Variants in TG observed in about 807,000 individuals in gnomAD.
The protein encoded by TG is thyroid hormones.
A neutral mutation model predicts 324.7 loss-of-function variants in TG; 270 were observed. The ratio of observed to expected loss-of-function variants is 0.83; its 90% CI spans 0.75 to 0.92. The LOEUF is 0.92. Among genes scored for constraint, TG ranks in the 40% least tolerant of loss-of-function variants. TG has a pLI of 0.00. For missense variants in TG, 3,591 were observed against 3,456.4 expected (o/e 1.04, Z -0.98); for synonymous variants, 1,401 against 1,327.0 (o/e 1.06, Z -1.21).
chr8:133,110,461 A>T (rs2131741066), intron 43 of TG, among the ~76,000 whole-genome samples: 1 of 152,344 alleles, frequency 6.6e-6, no homozygotes, highest in East Asian at 1.9e-4. Context: ...TATATGAAGG[A>T]ATTAGCATAG....
Position 132,935,810 on chromosome 8 carries a change from C to T in TG, c.4987C>T (p.Gln1663Ter). 6.2e-7 allele frequency: 1 copy of T among 1,612,862 alleles called. No homozygotes were observed. Among genetic ancestry groups the T allele is most frequent in the Non-Finnish European group, 8.5e-7 (1 of 1,180,022 alleles). ...KATSFGSLRCQVKVRSHGQDS... is the reference protein window; with the variant it reads ...KATSFGSLRC ...CACCAGCTTTGGAAGTCTTCGCTGCCAGGTGAAAGTGAGGAGCCATGGTCA... is the reference window on the plus strand; with the variant it reads ...CACCAGCTTTGGAAGTCTTCGCTGCTAGGTGAAAGTGAGGAGCCATGGTCA... Residue 1663 changes from glutamine (Q) to a stop codon, truncating the protein, a stop_gained, in exon 25 of 48, where the codon CAG becomes TAG. Coordinates refer to ENST00000220616, the MANE Select transcript of TG (RefSeq NM_003235.5). LOFTEE classifies it high-confidence loss of function.
chr8:132,875,959 A>G (rs113659829), intron 5 of TG, among the ~76,000 whole-genome samples: 1 of 152,236 alleles, frequency 6.6e-6, no homozygotes, highest in Admixed American at 6.5e-5. Flanking sequence ...TCAGGTTTCT[A>G]GGTAAAATAC....
At chr8:132,969,789 T>C (rs1829218204) in intron 32 of TG, among the ~76,000 whole-genome samples, 1 of 151,552 alleles carries the variant, frequency 6.6e-6, no homozygotes, top group Non-Finnish European at 1.5e-5. Flanking sequence ...CGGCACATGC[T>C]AGTAGTCCCA....
At chr8:133,091,830 G>A (rs1461205504) in intron 41 of TG, among the ~76,000 whole-genome samples, 5 of 151,958 alleles carry the variant, frequency 3.3e-5, no homozygotes, top group Non-Finnish European at 7.4e-5. Flanking sequence ...ATGCCTGTGA[G>A]TTTTATGTGA....
At position 132,887,071 on chromosome 8, in the gene TG, T is replaced by G. The variant is rs1412717707; in HGVS notation, c.1699T>G (p.Phe567Val). 1 of 1,614,210 alleles carries G rather than the reference T, an allele frequency of 6.2e-7. No individual in the cohort carries two copies. The highest frequency in any genetic ancestry group is 1.3e-5 in the African/African-American group (1 of 75,042). ...NLQENQNALK[F>V]LASLLELPEF... ...ACAAGAGAACCAAAATGCCCTCAAA[T>G]TCCTTGCTTCTCTCCTGGAGCTTCC... Residue 567 changes from phenylalanine (F) to valine (V), a missense_variant, in exon 9 of 48, where the codon TTC (phenylalanine) becomes GTC (valine). Transcript: ENST00000220616.
At position 132,963,083 on chromosome 8, in the gene TG, C is replaced by T. The variant is rs367995250; in HGVS notation, c.5548+9C>T. On this transcript the variant is annotated intron_variant, in intron 29 of 47. Transcript: ENST00000220616. ...ATCTCCAACAGAAGCAGGTACTGAC[C>T]CCCAAACCTTCTTACACACTTGGGT... 6 of 1,613,604 alleles carry T rather than the reference C, an allele frequency of 3.7e-6. No homozygotes were observed. The African/African-American group carries it at 4.0e-5, about 11-fold the overall frequency.
intron 43 of TG, among the ~76,000 whole-genome samples, chr8:133,107,731 G>A (rs536847375): frequency 1.8e-4 from 28 of 152,310 alleles, no homozygotes; most frequent in African/African-American, 6.5e-4. Flanking sequence ...CACCCAATTA[G>A]TGTGTCAGAT....
intron 41 of TG, among the ~76,000 whole-genome samples, chr8:133,092,458 G>T (rs1847716595): frequency 6.6e-6 from 1 of 152,216 alleles, no homozygotes; most frequent in Non-Finnish European, 1.5e-5. Context: ...TACAGGCATG[G>T]CTGGGTGGAC....
rs1835198334 is a variant in TG, at chr8:133,018,002, G to A, written c.6782+5G>A. 1.2e-6 allele frequency: 2 copies of A among 1,613,690 alleles called. No individual in the cohort carries two copies. The highest frequency in any genetic ancestry group is 3.3e-5 in the Admixed American group (2 of 59,976). On this transcript the variant is annotated splice_donor_5th_base_variant and intron_variant, in intron 38 of 47. Transcript: ENST00000220616. ...CTGGGATGCCAGCAAGCCAAGGTATGGGTTGAGTGGAGCACATCTTGGTAA... is the reference window on the plus strand; with the variant it reads ...CTGGGATGCCAGCAAGCCAAGGTATAGGTTGAGTGGAGCACATCTTGGTAA...
intron 23 of TG, among the ~76,000 whole-genome samples, chr8:132,930,077 A>G (rs2132534019): frequency 6.6e-6 from 1 of 152,290 alleles, no homozygotes; most frequent in East Asian, 1.9e-4. Flanking sequence ...CAGTACCCAC[A>G]TGTGATGTAG....
chr8:132,988,743 T>G, intron 35 of TG: 1 of 985,428 alleles, frequency 1.0e-6, no homozygotes, highest in Non-Finnish European at 1.2e-6. Context: ...CTGCTGCAGG[T>G]TAGCTTGAGT....
Position 132,881,849 on chromosome 8 carries a change from T to A in TG, c.639-14T>A. ...CCTTTATGAATGGTGACCGTAAATC[T>A]CATTCTCTCCAAGGTTTCCAGATGC... On this transcript the variant is annotated splice_polypyrimidine_tract_variant and intron_variant, in intron 5 of 47. Transcript: ENST00000220616. 1 of 1,584,998 alleles carries A rather than the reference T, an allele frequency of 6.3e-7. No individual in the cohort carries two copies. The highest frequency in any genetic ancestry group is 8.7e-7 in the Non-Finnish European group (1 of 1,153,264).
At chr8:133,113,387 C>T in intron 43 of TG, 35 bp from the exon 44 acceptor site, 1 of 1,612,216 alleles carries the variant, frequency 6.2e-7, no homozygotes. Flanking sequence ...TTTCAGAATC[C>T]AACTGAGGAA....
chr8:133,018,152 G>C (rs551416068), intron 38 of TG, among the ~76,000 whole-genome samples, 155 bp downstream of exon 38: 1 of 152,352 alleles, frequency 6.6e-6, no homozygotes, highest in South Asian at 2.1e-4. Context: ...TAAGTGCTGT[G>C]ACAGATAAAC....
chr8:133,003,507 A>C (rs1833745417), intron 35 of TG, among the ~76,000 whole-genome samples: 1 of 151,874 alleles, frequency 6.6e-6, no homozygotes, highest in South Asian at 2.1e-4. Context: ...GCTGTGTAAT[A>C]GATCTCAAAA....
intron 16 of TG, among the ~76,000 whole-genome samples, chr8:132,904,331 G>A (rs969509105): frequency 7.2e-5 from 11 of 152,202 alleles, no homozygotes; most frequent in South Asian, 2.1e-4. Context: ...GTCCCCAGGC[G>A]AGCCACTTAG....
intron 27 of TG, among the ~76,000 whole-genome samples, chr8:132,957,534 G>A (rs1020476138): frequency 2.6e-5 from 4 of 151,854 alleles, no homozygotes; most frequent in Non-Finnish European, 2.9e-5. Context: ...CACACACACC[G>A]ACAGAAATAA....
At chr8:132,933,492 G>A (rs1015298726) in intron 23 of TG, 69 bp from the exon 24 acceptor site, 2 of 1,232,948 alleles carry the variant, frequency 1.6e-6, no homozygotes, top group African/African-American at 1.5e-5. Context: ...GGGGCAGGGG[G>A]ATGTGTCTGC....
At chr8:132,926,455 C>T (rs563532482) in intron 22 of TG, among the ~76,000 whole-genome samples, 1 of 152,362 alleles carries the variant, frequency 6.6e-6, no homozygotes, top group Non-Finnish European at 1.5e-5. Flanking sequence ...ATCCCAGCCT[C>T]CCCTCTGGGC....
Sources: gnomAD v4.1 joint callset for allele counts (sites outside exome capture counted in the v4.1 genomes callset) on GRCh38, gnomAD v4.1.1 for gene constraint, MANE v1.5 for transcripts, NCBI Gene and HGNC (gene_info 2026-07-23, HGNC 2026-07-21) for gene names.